KIF11: variants seen among roughly 807,000 people sequenced by gnomAD.
KIF11 encodes the protein kinesin-like protein KIF11.
A neutral mutation model predicts 121.0 loss-of-function variants in KIF11; 9 were observed. The observed-to-expected ratio is 0.07, with a 90% CI of 0.04 to 0.13. The LOEUF is 0.13. Ranked by LOEUF, KIF11 falls within the 10% of genes least tolerant of loss-of-function variation. KIF11 has a pLI of 1.00. For missense variants in KIF11, 846 were observed against 1,217.5 expected (o/e 0.69, Z 4.54); for synonymous variants, 408 against 421.0 (o/e 0.97, Z 0.38).
intron 9 of KIF11, among the ~76,000 whole-genome samples, chr10:92,620,667 G>A (rs1186990219): frequency 6.6e-6 from 1 of 152,178 alleles, no homozygotes; most frequent in Non-Finnish European, 1.5e-5. Flanking sequence ...AGTTCCACAT[G>A]TCTGGGGAGG....
intron 17 of KIF11, among the ~76,000 whole-genome samples, chr10:92,643,616 G>T (rs922936181): frequency 1.4e-5 from 2 of 147,388 alleles, no homozygotes; most frequent in Admixed American, 1.4e-4. Flanking sequence ...GAGTGCAGTG[G>T]TGCAATCTTG....
At chr10:92,639,316 G>A (rs1396159595) in intron 16 of KIF11, among the ~76,000 whole-genome samples, 1 of 152,142 alleles carries the variant, frequency 6.6e-6, no homozygotes, top group African/African-American at 2.4e-5. Flanking sequence ...GGCTGGATGT[G>A]ATGGCTCATG....
intron 8 of KIF11, among the ~76,000 whole-genome samples, chr10:92,614,280 A>T (rs898267096): frequency 8.5e-5 from 13 of 152,078 alleles, no homozygotes; most frequent in Middle Eastern, 6.3e-3. Flanking sequence ...TATTTTTAGT[A>T]GAGACGTGGT....
intron 17 of KIF11, among the ~76,000 whole-genome samples, chr10:92,642,096 C>T (rs77853698): frequency 6.6e-6 from 1 of 151,466 alleles, no homozygotes; most frequent in South Asian, 2.1e-4. Flanking sequence ...CTTTAAAATC[C>T]TTGCCAGACA....
intron 10 of KIF11, among the ~76,000 whole-genome samples, chr10:92,628,319 C>T (rs1210232311): frequency 1.3e-5 from 2 of 152,114 alleles, no homozygotes; most frequent in Non-Finnish European, 1.5e-5. Flanking sequence ...GCTCTGTATA[C>T]ATACTTTAAG....
intron 15 of KIF11, 31 bp from the exon 16 acceptor site, chr10:92,637,356 A>T: frequency 6.3e-7 from 1 of 1,578,894 alleles, no homozygotes; most frequent in Non-Finnish European, 8.5e-7. Context: ...TGTGTTGTTT[A>T]AGAAGGAAAC....
chr10:92,633,973 ATTTTGTTTTG>A (rs767310414), intron 14 of KIF11, among the ~76,000 whole-genome samples, 178 bp downstream of exon 14: 1 of 151,896 alleles, frequency 6.6e-6, no homozygotes, highest in Non-Finnish European at 1.5e-5. Flanking sequence ...ATATATATAT[ATTTTGTTTTG>A]TTTTGTTTTG....
chr10:92,625,157 C>G (rs1055361411), intron 10 of KIF11, among the ~76,000 whole-genome samples: 5 of 152,034 alleles, frequency 3.3e-5, no homozygotes, highest in African/African-American at 1.2e-4. Flanking sequence ...ATAAGCGTTC[C>G]CTTTTCTCCA....
At chr10:92,618,159 T>A (rs893951871) in intron 9 of KIF11, among the ~76,000 whole-genome samples, 11 of 152,204 alleles carry the variant, frequency 7.2e-5, no homozygotes. Context: ...TTGCCCAATT[T>A]TAATTGGTTT....
At chr10:92,621,742 T>G (rs1296165755) in intron 10 of KIF11, among the ~76,000 whole-genome samples, 1 of 152,120 alleles carries the variant, frequency 6.6e-6, no homozygotes, top group Non-Finnish European at 1.5e-5. Context: ...GCTGGGATTA[T>G]AGGCATGAGC....
intron 4 of KIF11, among the ~76,000 whole-genome samples, chr10:92,608,496 TG>T (rs1844455781): frequency 6.6e-6 from 1 of 151,316 alleles, no homozygotes; most frequent in South Asian, 2.1e-4. Context: ...TGGAGTACAG[TG>T]GCTCGATCTT....
Position 92,608,133 on chromosome 10 carries a change from A to AT in KIF11, c.388-870dup, listed in dbSNP as rs571762594. The stretch of plus-strand genomic sequence containing the variant: ...TTAAAAAAAAAAAGAATTTTTTTTA[A>AT]TTTTTTTTTTTTTTTTTAAATTTTA... On this transcript the variant is annotated intron_variant, in intron 4 of 21. Transcript: ENST00000260731. 7.9e-3 allele frequency among the ~76,000 whole-genome samples: 1,131 copies of AT among 142,602 alleles called. 5 individuals are homozygous for AT. Among genetic ancestry groups the AT allele is most frequent in the Middle Eastern group, 0.011 (3 of 276 alleles). 93.6% of individuals were successfully genotyped at this position (142,602 alleles called of 152,430 possible).
chr10:92,653,990 C>A lies in KIF11; in HGVS notation c.*194C>A. The A allele has an allele frequency of 2.5e-6, 1 of 396,644 alleles. No homozygotes were observed. Among genetic ancestry groups the A allele is most frequent in the Non-Finnish European group, 4.6e-6 (1 of 218,692 alleles). 24.6% of individuals were successfully genotyped at this position (396,644 alleles called of 1,614,324 possible). A position where few individuals can be genotyped will look rare whatever the true frequency, so the allele number is the denominator to read the frequency against. On this transcript the variant is annotated 3_prime_UTR_variant, in exon 22 of 22. Transcript: ENST00000260731. Reference sequence around the variant, plus strand: ...CTTGAGCCCAGGAGTTTGAGACCAGCCTGGCCAACGTGGCAAAACCTCGTC... The same window carrying A: ...CTTGAGCCCAGGAGTTTGAGACCAGACTGGCCAACGTGGCAAAACCTCGTC...
chr10:92,614,021 T>C (rs1317701533), intron 8 of KIF11, among the ~76,000 whole-genome samples: 1 of 127,054 alleles, frequency 7.9e-6, no homozygotes, highest in African/African-American at 3.2e-5. Flanking sequence ...AGTATGTGTA[T>C]ACACACACAC....
chr10:92,646,602 A>C (rs955234588), intron 18 of KIF11, among the ~76,000 whole-genome samples: 3 of 152,206 alleles, frequency 2.0e-5, no homozygotes, highest in Non-Finnish European at 2.9e-5. Context: ...GAAGCTGTTA[A>C]AGATTTCTGA....
At chr10:92,603,065 C>A (rs1844391561) in intron 1 of KIF11, among the ~76,000 whole-genome samples, 1 of 151,722 alleles carries the variant, frequency 6.6e-6, no homozygotes, top group Non-Finnish European at 1.5e-5. Flanking sequence ...GCTTTTACTT[C>A]AGAATCTTTG....
intron 4 of KIF11, among the ~76,000 whole-genome samples, chr10:92,607,631 G>A (rs922754336): frequency 6.6e-6 from 1 of 152,060 alleles, no homozygotes; most frequent in Admixed American, 6.6e-5. Context: ...GATCCTAAGT[G>A]TTCAAGAAAT....
rs534541666 is a variant in KIF11, at chr10:92,650,525, A to AT, written c.3039+9dup. On this transcript the variant is annotated intron_variant, in intron 21 of 21. Coordinates refer to ENST00000260731, the MANE Select transcript of KIF11 (RefSeq NM_004523.4). ...GGGGTTCCATTTTTCCAGGTATGTC[A>AT]TATCAGATAACCCTTCCACATCTGA... 9.8e-6 allele frequency: 14 copies of AT among 1,425,000 alleles called. No individual in the cohort carries two copies. The Admixed American group carries it at 2.2e-4, about 22-fold the overall frequency. 88.3% of individuals were successfully genotyped at this position (1,425,000 alleles called of 1,614,324 possible). A position where few individuals can be genotyped will look rare whatever the true frequency, so the allele number is the denominator to read the frequency against.
chr10:92,617,740 G>T (rs914120121), intron 9 of KIF11, among the ~76,000 whole-genome samples: 7 of 142,302 alleles, frequency 4.9e-5, no homozygotes, highest in Non-Finnish European at 8.9e-5. Flanking sequence ...TTTTGTTTTT[G>T]TTTTTGTTTT....
Sources: gnomAD v4.1 joint callset for allele counts (sites outside exome capture counted in the v4.1 genomes callset) on GRCh38, gnomAD v4.1.1 for gene constraint, MANE v1.5 for transcripts, NCBI Gene and HGNC (gene_info 2026-07-23, HGNC 2026-07-21) for gene names.